ADSS1: variants seen among roughly 807,000 people sequenced by gnomAD.
The protein encoded by ADSS1 is adenylosuccinate synthase 1, also known as adenylosuccinate synthetase isozyme 1.
ADSS1 carries 57 observed loss-of-function variants against 59.1 expected under a neutral mutation model. The observed-to-expected ratio is 0.97, with a 90% CI of 0.78 to 1.20. The LOEUF (loss-of-function observed/expected upper bound fraction) is 1.20, where lower values mean the gene tolerates loss of function less well. Ranked by LOEUF, ADSS1 falls within the 50% of genes most tolerant of loss-of-function variation. The pLI, the probability that ADSS1 is intolerant of heterozygous loss-of-function variation, is 0.00. For synonymous variants in ADSS1, 247 were observed against 249.4 expected (o/e 0.99, Z 0.09); for missense variants, 603 against 610.3 (o/e 0.99, Z 0.13).
intron 1 of ADSS1, among the ~76,000 whole-genome samples, chr14:104,724,740 G>A (rs1890671219): frequency 1.3e-5 from 2 of 152,126 alleles, no homozygotes; most frequent in South Asian, 4.1e-4. Flanking sequence ...CTGAGTTGGG[G>A]ACACCCGATC....
At chr14:104,743,741 A>G (rs891828470) in intron 10 of ADSS1, among the ~76,000 whole-genome samples, 4 of 152,246 alleles carry the variant, frequency 2.6e-5, no homozygotes, top group African/African-American at 9.6e-5. Flanking sequence ...AGCATCAGCC[A>G]AAATTCCTGG....
At chr14:104,732,006 AGCCT>A (rs1328193718) in intron 1 of ADSS1, among the ~76,000 whole-genome samples, 8 of 152,210 alleles carry the variant, frequency 5.3e-5, no homozygotes, top group Non-Finnish European at 1.0e-4. Context: ...AGAGGGCAGC[AGCCT>A]CCGGACTGCC....
Position 104,743,098 on chromosome 14 carries a change from A to G in ADSS1, c.980A>G (p.His327Arg), listed in dbSNP as rs530866928. ...GGAGGCCTGCTGCAGACCCGCGGCC[A>G]CGAGTGGGGAGTGACCACAGGCAGG... ...EIGGLLQTRGHEWGVTTGRKR... is the reference protein window; with the variant it reads ...EIGGLLQTRGREWGVTTGRKR... The change falls in exon 10 of 13, where the codon CAC becomes CGC. Residue 327 changes from histidine to arginine, a missense_variant. Physicochemically the swap from His to Arg is conservative, Grantham distance 29 (BLOSUM62 0). Transcript: ENST00000330877. 1 of 1,613,126 alleles carries G rather than the reference A, an allele frequency of 6.2e-7. No homozygotes were observed. Among genetic ancestry groups the G allele is most frequent in the East Asian group, 2.2e-5 (1 of 44,882 alleles).
intron 11 of ADSS1, chr14:104,745,539 C>G (rs1412164707): frequency 6.5e-6 from 1 of 153,196 alleles, no homozygotes; most frequent in Non-Finnish European, 1.5e-5. Context: ...GCGAGCTGCT[C>G]CTGGCTGGTC....
At chr14:104,735,602 G>T (rs1490898184) in intron 2 of ADSS1, among the ~76,000 whole-genome samples, 3 of 152,208 alleles carry the variant, frequency 2.0e-5, no homozygotes, top group Non-Finnish European at 4.4e-5. Flanking sequence ...CCTCTTGCCT[G>T]GGCTGCTGTG....
At position 104,746,333 on chromosome 14, in the gene ADSS1, C is replaced by G. The variant is rs559696857; in HGVS notation, c.1269C>G (p.Pro423=). 6.2e-7 allele frequency: 1 copy of G among 1,613,682 alleles called. No homozygotes were observed. Among genetic ancestry groups the G allele is most frequent in the African/African-American group, 1.3e-5 (1 of 74,918 alleles). The change falls in exon 12 of 13, where the codon CCC becomes CCG. Residue 423 remains proline (P), a synonymous_variant. Transcript: ENST00000330877. ...GCGCCAGGAGGTGGGAGGACCTGCC[C>G]CCACAGGCCCAGAACTACATCCGCT... ...TTGARRWEDL[P]PQAQNYIRFV...
intron 1 of ADSS1, among the ~76,000 whole-genome samples, chr14:104,729,010 C>G (rs886468686): frequency 6.6e-6 from 1 of 152,190 alleles, no homozygotes; most frequent in Non-Finnish European, 1.5e-5. Context: ...TCCGCTAACG[C>G]TGTGGGGAGG....
intron 11 of ADSS1, chr14:104,745,964 T>C (rs1222199895): frequency 3.3e-6 from 1 of 303,534 alleles, no homozygotes; most frequent in East Asian, 5.6e-5. Context: ...TCAGCTGATG[T>C]CACAGTGGAG....
intron 1 of ADSS1, 75 bp downstream of exon 1, chr14:104,724,537 C>G: frequency 8.2e-7 from 1 of 1,226,948 alleles, no homozygotes; most frequent in Non-Finnish European, 1.0e-6. Flanking sequence ...GGCCCCTGTC[C>G]TCCCATGCCC....
chr14:104,729,076 G>A (rs1278067443), intron 1 of ADSS1, among the ~76,000 whole-genome samples: 4 of 152,182 alleles, frequency 2.6e-5, no homozygotes, highest in Non-Finnish European at 5.9e-5. Flanking sequence ...GCTGCAGGTA[G>A]GGCTGACGAT....
intron 1 of ADSS1, among the ~76,000 whole-genome samples, 174 bp downstream of exon 1, chr14:104,724,636 C>A (rs1171261125): frequency 1.3e-5 from 2 of 152,000 alleles, no homozygotes; most frequent in Non-Finnish European, 2.9e-5. Flanking sequence ...GCACCACTCA[C>A]ACAACCCCCG....
In ADSS1 at chr14:104,724,467, G is replaced by C. The variant is rs746001837; in HGVS notation, c.192+5G>C. ...GACATCATCAGCCGCTGCCAGGTGCGGGCTGGGGCGCCGGGTCCCTCCCCC... is the reference window on the plus strand; with the variant it reads ...GACATCATCAGCCGCTGCCAGGTGCCGGCTGGGGCGCCGGGTCCCTCCCCC... On this transcript the variant is annotated splice_donor_5th_base_variant and intron_variant, in intron 1 of 12. Transcript: ENST00000330877. 7.2e-6 allele frequency: 9 copies of C among 1,242,200 alleles called. No individual in the cohort carries two copies. The highest frequency in any genetic ancestry group is 4.2e-5 in the Admixed American group (1 of 24,012). 76.9% of individuals were successfully genotyped at this position (1,242,200 alleles called of 1,614,324 possible).
chr14:104,728,124 C>T (rs1350487463), intron 1 of ADSS1, among the ~76,000 whole-genome samples: 2 of 152,172 alleles, frequency 1.3e-5, no homozygotes, highest in African/African-American at 4.8e-5. Flanking sequence ...GCATTGAGGG[C>T]CCCTGTGCTG....
In ADSS1 at chr14:104,724,405, CA is replaced by C; in HGVS notation, c.138del (p.Gly47AlafsTer75). 7.9e-7 allele frequency: 1 copy of C among 1,264,610 alleles called. No individual in the cohort carries two copies. The highest frequency in any genetic ancestry group is 1.0e-6 in the Non-Finnish European group (1 of 999,556). The allele number at this position is 1,264,610 out of a possible 1,614,324, so 78.3% of individuals were successfully genotyped here. A position where few individuals can be genotyped will look rare whatever the true frequency, so the allele number is the denominator to read the frequency against. ...TGGGCGCGCAGTGGGGGGACGAGGG[CA>C]AAGGCAAGGTGGTGGACCTGCTGGC... The part of the protein sequence containing the change: ...VLGAQWGDEG[K>X]GKVVDLLATD... On this transcript the variant is annotated frameshift_variant, in exon 1 of 13. Transcript: ENST00000330877. LOFTEE classifies it high-confidence loss of function.
rs142081452 is a variant in ADSS1 at position 104,727,546 on chromosome 14, C to G, written c.192+3084C>G. 1.9e-3 allele frequency among the ~76,000 whole-genome samples: 296 copies of G among 152,244 alleles called. 2 individuals carry two copies. The South Asian group carries it at 0.027, about 14-fold the overall frequency. ...ATCGTCTGCCTGTCTGTGCTGGGGT[C>G]CTGTGTTCCCTCTCTTCTCTCTGGG... On this transcript the variant is annotated intron_variant, in intron 1 of 12. Transcript: ENST00000330877.
intron 1 of ADSS1, among the ~76,000 whole-genome samples, chr14:104,726,574 C>A (rs1232108129): frequency 6.6e-6 from 1 of 152,222 alleles, no homozygotes; most frequent in Non-Finnish European, 1.5e-5. Flanking sequence ...TCTGACCACC[C>A]CATGTCGTCA....
At chr14:104,736,960 T>G (rs529359274) in intron 2 of ADSS1, among the ~76,000 whole-genome samples, 169 of 149,528 alleles carry the variant, frequency 1.1e-3, no homozygotes, top group Non-Finnish European at 1.9e-3. Context: ...TTACCCAGGC[T>G]GGCCTCCAAC....
At chr14:104,729,322 C>G (rs971446361) in intron 1 of ADSS1, among the ~76,000 whole-genome samples, 1 of 152,148 alleles carries the variant, frequency 6.6e-6, no homozygotes, top group Non-Finnish European at 1.5e-5. Context: ...ACGGGGTGGA[C>G]AGGAGCAGGA....
At chr14:104,724,972 C>T (rs1890678409) in intron 1 of ADSS1, among the ~76,000 whole-genome samples, 1 of 152,144 alleles carries the variant, frequency 6.6e-6, no homozygotes, top group Non-Finnish European at 1.5e-5. Flanking sequence ...GGGGTGACCC[C>T]GGTGAGTCAG....
Sources: allele counts gnomAD v4.1 joint callset (sites outside exome capture counted in the v4.1 genomes callset), GRCh38; gene constraint gnomAD v4.1.1; transcripts MANE v1.5; gene names NCBI Gene and HGNC (gene_info 2026-07-23, HGNC 2026-07-21).